EHBP1: variants seen among roughly 807,000 people sequenced by gnomAD.
EHBP1 encodes the protein EH domain binding protein 1.
EHBP1 carries 55 observed loss-of-function variants against 144.0 expected under a neutral mutation model. The observed-to-expected ratio is 0.38, with a 90% CI of 0.31 to 0.48. The LOEUF (loss-of-function observed/expected upper bound fraction) is 0.48, where lower values mean the gene tolerates loss of function less well. EHBP1 is among the 20% of genes least tolerant of loss of function. EHBP1 has a pLI of 0.98. For missense variants in EHBP1, 1,200 were observed against 1,364.2 expected (o/e 0.88, Z 1.90); for synonymous variants, 469 against 472.7 (o/e 0.99, Z 0.10).
chr2:62,757,426 CTTTT>C (rs555494268), intron 3 of EHBP1, among the ~76,000 whole-genome samples: 1 of 113,036 alleles, frequency 8.8e-6, no homozygotes, highest in Non-Finnish European at 1.8e-5. Flanking sequence ...TTTTTTTTTT[CTTTT>C]TTTTTTTTTT....
intron 5 of EHBP1, among the ~76,000 whole-genome samples, chr2:62,798,318 G>T (rs2043702363): frequency 6.6e-6 from 1 of 151,884 alleles, no homozygotes; most frequent in Admixed American, 6.6e-5. Flanking sequence ...CAGTGAGCTG[G>T]GGTTACGCCA....
At chr2:62,821,246 T>C (rs1417391926) in intron 5 of EHBP1, among the ~76,000 whole-genome samples, 1 of 152,180 alleles carries the variant, frequency 6.6e-6, no homozygotes, top group Non-Finnish European at 1.5e-5. Flanking sequence ...TGTAATAAAG[T>C]CAGCCAAATA....
At chr2:62,974,014 TAAAAAAGA>T (rs2058607239) in intron 14 of EHBP1, among the ~76,000 whole-genome samples, 1 of 152,082 alleles carries the variant, frequency 6.6e-6, no homozygotes, top group Non-Finnish European at 1.5e-5. Context: ...GTCTCAGATT[TAAAAAAGA>T]AAAAAAGAAA....
chr2:62,794,996 A>G (rs540621981), intron 5 of EHBP1, among the ~76,000 whole-genome samples: 1 of 152,098 alleles, frequency 6.6e-6, no homozygotes, highest in Non-Finnish European at 1.5e-5. Context: ...ACCAAATAGA[A>G]GAATGAATGC....
chr2:62,903,246 A>G (rs912942424), intron 10 of EHBP1, among the ~76,000 whole-genome samples: 5 of 152,256 alleles, frequency 3.3e-5, no homozygotes, highest in African/African-American at 1.2e-4. Context: ...TTAAAGGAAC[A>G]TTCTAGATAT....
intron 19 of EHBP1, among the ~76,000 whole-genome samples, chr2:63,005,414 G>T (rs1047612809): frequency 6.6e-6 from 1 of 152,062 alleles, no homozygotes; most frequent in African/African-American, 2.4e-5. Flanking sequence ...CTGGCTTACT[G>T]AAGTGTTACC....
chr2:62,725,692 G>A (rs1013873690), intron 2 of EHBP1, among the ~76,000 whole-genome samples: 1 of 152,190 alleles, frequency 6.6e-6, no homozygotes, highest in Non-Finnish European at 1.5e-5. Flanking sequence ...GGGATGGACT[G>A]CACTTTGGAG....
At chr2:62,921,810 A>T (rs2055111744) in intron 10 of EHBP1, among the ~76,000 whole-genome samples, 1 of 152,216 alleles carries the variant, frequency 6.6e-6, no homozygotes, top group Non-Finnish European at 1.5e-5. Flanking sequence ...ATAAATAGTC[A>T]AGGAATACAT....
At chr2:62,963,088 G>GA (rs1358849025) in intron 14 of EHBP1, among the ~76,000 whole-genome samples, 1 of 152,200 alleles carries the variant, frequency 6.6e-6, no homozygotes, top group Non-Finnish European at 1.5e-5. Flanking sequence ...GTATACGTGG[G>GA]AAAGGATTTT....
chr2:63,035,851 C>G (rs188656285), intron 19 of EHBP1, among the ~76,000 whole-genome samples: 7 of 151,906 alleles, frequency 4.6e-5, no homozygotes, highest in Non-Finnish European at 8.8e-5. Context: ...TTGTGCCTAT[C>G]GCAGCCTATA....
At chr2:62,771,443 G>T in intron 5 of EHBP1, 51 bp downstream of exon 5, 1 of 1,402,150 alleles carries the variant, frequency 7.1e-7, no homozygotes, top group East Asian at 2.5e-5. Context: ...CTTTATATAT[G>T]CATTATTAAG....
intron 10 of EHBP1, among the ~76,000 whole-genome samples, chr2:62,885,743 G>A (rs1450341807): frequency 6.6e-6 from 1 of 152,112 alleles, no homozygotes; most frequent in South Asian, 2.1e-4. Flanking sequence ...ACAGTTCTCT[G>A]ATTGCATAGA....
intron 19 of EHBP1, among the ~76,000 whole-genome samples, chr2:63,025,198 A>G (rs2060922616): frequency 6.6e-6 from 1 of 152,190 alleles, no homozygotes; most frequent in Admixed American, 6.5e-5. Context: ...TGAAATACGT[A>G]ATTTGATTTG....
chr2:62,729,636 A>AT, intron 2 of EHBP1, among the ~76,000 whole-genome samples: 1 of 141,190 alleles, frequency 7.1e-6, no homozygotes, highest in African/African-American at 2.6e-5. Context: ...AAATAAAATA[A>AT]AATAATATAA....
rs373683605 is a variant in EHBP1 at position 62,933,662 on chromosome 2, G to C, written c.1186-9056G>C. On this transcript the variant is annotated intron_variant, in intron 10 of 22. Transcript: ENST00000431489. ...TATAACCACCGATTATAGGGAAGAG[G>C]AAAGAGATTGGGATAAGAAAGAAGC... 2.0e-4 allele frequency among the ~76,000 whole-genome samples: 30 copies of C among 152,252 alleles called. 1 individual carries two copies. The South Asian group carries it at 6.2e-3, about 32-fold the overall frequency.
At chr2:62,731,716 G>T (rs1383949702) in intron 2 of EHBP1, among the ~76,000 whole-genome samples, 1 of 152,070 alleles carries the variant, frequency 6.6e-6, no homozygotes, top group Non-Finnish European at 1.5e-5. Flanking sequence ...ATAATAATTG[G>T]TTTTTACAGT....
intron 19 of EHBP1, among the ~76,000 whole-genome samples, chr2:63,007,514 A>G (rs1340486975): frequency 1.3e-5 from 2 of 151,752 alleles, no homozygotes; most frequent in Admixed American, 6.6e-5. Context: ...GTACAAAGAC[A>G]TGGTATGAAT....
chr2:63,008,398 C>A (rs2060129560), intron 19 of EHBP1, among the ~76,000 whole-genome samples: 1 of 151,446 alleles, frequency 6.6e-6, no homozygotes, highest in South Asian at 2.1e-4. Flanking sequence ...TGTCAGATTT[C>A]AGTCTTGTTT....
intron 5 of EHBP1, among the ~76,000 whole-genome samples, chr2:62,817,271 G>A (rs2045517040): frequency 6.6e-6 from 1 of 152,158 alleles, no homozygotes; most frequent in Admixed American, 6.5e-5. Context: ...TTTTAGGTAA[G>A]GTGGGCAGAG....
Sources: allele counts gnomAD v4.1 joint callset (sites outside exome capture counted in the v4.1 genomes callset), GRCh38; gene constraint gnomAD v4.1.1; transcripts MANE v1.5; gene names NCBI Gene and HGNC (gene_info 2026-07-23, HGNC 2026-07-21).